The following PLAUR variants were observed in gnomAD, a reference collection of about 807,000 sequenced individuals.
PLAUR encodes urokinase plasminogen activator surface receptor.
In PLAUR, 22 loss-of-function variants were observed where a neutral mutation model predicts 33.4. The ratio of observed to expected loss-of-function variants is 0.66; its 90% confidence interval spans 0.47 to 0.94. The LOEUF (loss-of-function observed/expected upper bound fraction) is 0.94, where lower values mean the gene tolerates loss of function less well. Ranked by LOEUF, PLAUR falls within the 40% of genes least tolerant of loss-of-function variation. PLAUR has a pLI of 0.00. For missense variants in PLAUR, 408 were observed against 434.7 expected, an observed-to-expected ratio of 0.94 and a Z score of 0.55; for synonymous variants, 148 against 167.3, an observed-to-expected ratio of 0.88 and a Z score of 0.89.
At chr19:43,651,211 T>A (rs1973980903) in intron 6 of PLAUR, among the ~76,000 whole-genome samples, 1 of 151,848 alleles carries the variant, frequency 6.6e-6, no homozygotes, top group Admixed American at 6.6e-5. Flanking sequence ...CCCGAGTAGC[T>A]GGGATTATAG....
downstream of PLAUR, chr19:43,646,349 T>C (rs1452366870): frequency 1.5e-6 from 1 of 646,162 alleles, no homozygotes; most frequent in Non-Finnish European, 2.8e-6. Flanking sequence ...GTTTCTTCTC[T>C]ATATCACATC....
chr19:43,655,388 G>C (rs1169768712), intron 5 of PLAUR, 51 bp downstream of exon 5: 5 of 1,593,464 alleles, frequency 3.1e-6, no homozygotes, highest in Non-Finnish European at 4.3e-6. Context: ...GTCTGCCTGA[G>C]TGCATGCCCC....
At chr19:43,665,225 C>T (rs992507665) in intron 3 of PLAUR, 91 bp downstream of exon 3, 1 of 1,356,984 alleles carries the variant, frequency 7.4e-7, no homozygotes, top group Non-Finnish European at 1.0e-6. Flanking sequence ...TGGGGTTCAG[C>T]TGATGTAAAG....
chr19:43,651,880 A>G (rs1600114978), intron 6 of PLAUR: 1 of 1,038,054 alleles, frequency 9.6e-7, no homozygotes, highest in East Asian at 8.0e-5. Context: ...TCCACCAAAG[A>G]ATTCCATTTT....
Position 43,648,730 on chromosome 19 carries a change from C to T in PLAUR, c.*160G>A, listed in dbSNP as rs1973869121. The T allele has an allele frequency of 1.1e-6, 1 of 926,798 alleles. No homozygotes were observed. Among genetic ancestry groups the T allele is most frequent in the Admixed American group, 2.8e-5 (1 of 36,322 alleles). The allele number at this position is 926,798 out of a possible 1,614,324, so 57.4% of individuals were successfully genotyped here. A position where few individuals can be genotyped will look rare whatever the true frequency, so the allele number is the denominator to read the frequency against. ...TCCAGCTTTTCTCTTCTGCTTCACACAACTTTGTGAGATAGCTGTTTTCAT... is the reference window on the plus strand; with the variant it reads ...TCCAGCTTTTCTCTTCTGCTTCACATAACTTTGTGAGATAGCTGTTTTCAT... On this transcript the variant is annotated 3_prime_UTR_variant, in exon 7 of 7. Transcript: ENST00000340093.
chr19:43,646,799 T>G (rs1973832417), downstream of PLAUR, among the ~76,000 whole-genome samples: 3 of 147,134 alleles, frequency 2.0e-5, 1 homozygote, highest in Admixed American at 6.7e-5. Context: ...TTTTTTTTTT[T>G]TTTTTTTTTT....
Position 43,655,516 on chromosome 19 carries a change from C to T in PLAUR, c.530G>A (p.Gly177Asp). The T allele has an allele frequency of 6.2e-7, 1 of 1,614,202 alleles. No homozygotes were observed. The highest frequency in any genetic ancestry group is 8.5e-7 in the Non-Finnish European group (1 of 1,180,022). The change falls in exon 5 of 7, where the codon GGC becomes GAC. Residue 177 changes from glycine (G) to aspartate (D), a missense_variant. By Grantham distance (94) the Gly-to-Asp change is moderately conservative. Transcript: ENST00000340093. ...GTCGTTGTTGTGGAAACCATTGGAG[C>T]CCGGGCAGCCGGGAAGGTAGCCACA... is the stretch of plus-strand genomic sequence containing the variant. ...RGCGYLPGCP[G>D]SNGFHNNDTF...
intron 3 of PLAUR, among the ~76,000 whole-genome samples, chr19:43,658,932 G>GC (rs1292041325): frequency 6.6e-6 from 1 of 152,034 alleles, no homozygotes; most frequent in Non-Finnish European, 1.5e-5. Context: ...TTTTCCTTGA[G>GC]CCCTACTTTC....
rs191598390 is a variant in PLAUR, at chr19:43,656,175, C to G, written c.472+304G>C. 1.2e-3 allele frequency among the ~76,000 whole-genome samples: 182 copies of G among 152,004 alleles called. 1 individual carries two copies. The highest frequency in any genetic ancestry group is 4.3e-3 in the African/African-American group (177 of 41,394). On this transcript the variant is annotated intron_variant, in intron 4 of 6. Transcript: ENST00000340093. Reference sequence around the variant, plus strand: ...GGCTGAGGCAGGAGAATCACTTGAACCTGGGAGGCGGAGGTTGCAGCCAGC... The same window carrying G: ...GGCTGAGGCAGGAGAATCACTTGAAGCTGGGAGGCGGAGGTTGCAGCCAGC...
intron 3 of PLAUR, among the ~76,000 whole-genome samples, chr19:43,663,352 C>T (rs1016666192): frequency 7.5e-6 from 1 of 133,602 alleles, no homozygotes; most frequent in Non-Finnish European, 1.6e-5. Flanking sequence ...CACACACACA[C>T]AGGACTGTGA....
At chr19:43,659,551 CA>C (rs889589223) in intron 3 of PLAUR, among the ~76,000 whole-genome samples, 75 of 152,252 alleles carry the variant, frequency 4.9e-4, no homozygotes, top group African/African-American at 1.8e-3. Flanking sequence ...TCATCACTCA[CA>C]AATCTCTCTC....
intron 6 of PLAUR, 54 bp downstream of exon 6, chr19:43,652,171 C>A: frequency 6.3e-7 from 1 of 1,593,016 alleles, no homozygotes. Flanking sequence ...CAATCTCTTG[C>A]GGAACTCTCC....
chr19:43,656,098 C>T (rs1376914492), intron 4 of PLAUR, among the ~76,000 whole-genome samples: 1 of 151,814 alleles, frequency 6.6e-6, no homozygotes, highest in African/African-American at 2.4e-5. Flanking sequence ...ACTAAAAATA[C>T]AAAAATTAGC....
intron 3 of PLAUR, among the ~76,000 whole-genome samples, chr19:43,659,745 T>C (rs1209790936): frequency 2.6e-5 from 4 of 152,214 alleles, no homozygotes; most frequent in Non-Finnish European, 5.9e-5. Flanking sequence ...GCAGACCCCC[T>C]TATCTTCCAC....
intron 2 of PLAUR, among the ~76,000 whole-genome samples, chr19:43,665,780 C>T (rs1161582989): frequency 3.8e-5 from 3 of 78,710 alleles, no homozygotes; most frequent in African/African-American, 4.7e-5. Flanking sequence ...AGTCCTGCTT[C>T]GGCCTCCCGA....
In PLAUR at chr19:43,664,445, T is replaced by G. The variant is rs147300608; in HGVS notation, c.310+871A>C. Among the ~76,000 whole-genome samples, 265 of 152,306 alleles carry G rather than the reference T, an allele frequency of 1.7e-3. 1 individual carries two copies. The highest frequency in any genetic ancestry group is 6.2e-3 in the African/African-American group (259 of 41,572). ...TGGGAATTTAGGAAAATTTGACCTT[T>G]TCTAAGTCTTTTTCTTAAAATGATC... On this transcript the variant is annotated intron_variant, in intron 3 of 6. Coordinates refer to ENST00000340093, the MANE Select transcript of PLAUR (RefSeq NM_002659.4).
intron 3 of PLAUR, chr19:43,656,898 C>T (rs4251876): frequency 3.0e-5 from 10 of 335,622 alleles, no homozygotes; most frequent in Non-Finnish European, 4.9e-5. Flanking sequence ...CCCCTACTCA[C>T]CCCAGTGCAG....
intron 6 of PLAUR, chr19:43,652,019 G>T (rs1477744245): frequency 2.5e-5 from 33 of 1,346,352 alleles, no homozygotes; most frequent in Non-Finnish European, 3.1e-5. Context: ...CACCCAGCCG[G>T]AATTCCACTT....
chr19:43,663,300 TACACACACACACACACACAC>T (rs59542257), intron 3 of PLAUR, among the ~76,000 whole-genome samples: 35 of 131,906 alleles, frequency 2.7e-4, no homozygotes, highest in Admixed American at 6.1e-4. Context: ...CTGTCACCCC[TACACACACACACACACACAC>T]ACACACACAC....
Sources: allele counts gnomAD v4.1 joint callset (sites outside exome capture counted in the v4.1 genomes callset), GRCh38; gene constraint gnomAD v4.1.1; transcripts MANE v1.5; gene names NCBI Gene and HGNC (gene_info 2026-07-23, HGNC 2026-07-21).